Variants in ATP1B3 observed in about 807,000 individuals in gnomAD.
ATP1B3 encodes ATPase Na+/K+ transporting subunit beta 3, also known as sodium/potassium-transporting ATPase subunit beta-3.
In ATP1B3, 10 loss-of-function variants were observed where a neutral mutation model predicts 30.2. That is an observed-to-expected ratio of 0.33 (90% confidence interval 0.20 to 0.56). ATP1B3 has a LOEUF of 0.56. Ranked by LOEUF, ATP1B3 falls within the 20% of genes least tolerant of loss-of-function variation. The probability of loss-of-function intolerance (pLI) is 0.90; values close to 1 mark genes in which losing one functional copy is unlikely to be tolerated. For synonymous variants in ATP1B3, 113 were observed against 117.0 expected, an observed-to-expected ratio of 0.97 and a Z score of 0.22; for missense variants, 238 against 336.7, an observed-to-expected ratio of 0.71 and a Z score of 2.29.
chr3:141,914,440 A>C (rs142739580), intron 4 of ATP1B3, among the ~76,000 whole-genome samples: 1 of 152,316 alleles, frequency 6.6e-6, no homozygotes, highest in African/African-American at 2.4e-5. Flanking sequence ...CAAAGGAAGA[A>C]GCTAATGTTC....
chr3:141,903,849 T>C, intron 2 of ATP1B3, 101 bp downstream of exon 2: 1 of 1,386,640 alleles, frequency 7.2e-7, no homozygotes, highest in South Asian at 1.3e-5. Flanking sequence ...TGGCATGATC[T>C]TGGGTCACTG....
At position 141,907,204 on chromosome 3, in the gene ATP1B3, A is replaced by G; in HGVS notation, c.276A>G (p.Glu92=). 1.2e-6 allele frequency: 2 copies of G among 1,612,132 alleles called. No homozygotes were observed. The highest frequency in any genetic ancestry group is 1.7e-6 in the Non-Finnish European group (2 of 1,179,216). Residue 92 remains glutamate (E), a synonymous_variant, in exon 3 of 7, where the codon GAA becomes GAG. Transcript: ENST00000286371. ...TTCCAAAACCAGTGACCGCATTGGA[A>G]TATACATTCAGTAGGTCTGATCCAA... ...MVFPKPVTAL[E]YTFSRSDPTS... is the part of the protein sequence containing the mutation.
At chr3:141,920,630 G>A (rs762338943) in intron 5 of ATP1B3, among the ~76,000 whole-genome samples, 1 of 152,030 alleles carries the variant, frequency 6.6e-6, no homozygotes, top group Non-Finnish European at 1.5e-5. Context: ...TTCTGTGAAG[G>A]TCATATATTA....
At chr3:141,918,523 T>C (rs1934508456) in intron 5 of ATP1B3, among the ~76,000 whole-genome samples, 1 of 151,250 alleles carries the variant, frequency 6.6e-6, no homozygotes, top group African/African-American at 2.4e-5. Context: ...CAGCTCACCT[T>C]TGCCTCCCGG....
At chr3:141,925,231 G>T (rs1386664242) in intron 6 of ATP1B3, among the ~76,000 whole-genome samples, 1 of 152,172 alleles carries the variant, frequency 6.6e-6, no homozygotes, top group African/African-American at 2.4e-5. Flanking sequence ...CTTTGGGAGG[G>T]TGAGGTGGAA....
At chr3:141,916,102 T>A in intron 5 of ATP1B3, 82 bp downstream of exon 5, 1 of 1,304,764 alleles carries the variant, frequency 7.7e-7, no homozygotes, top group Non-Finnish European at 1.1e-6. Context: ...AGTCATCTTT[T>A]TTTTCTTCCC....
At chr3:141,883,486 C>T (rs1933771928) in intron 1 of ATP1B3, among the ~76,000 whole-genome samples, 1 of 152,102 alleles carries the variant, frequency 6.6e-6, no homozygotes, top group Admixed American at 6.6e-5. Context: ...CCACTGCATT[C>T]CAGCCTAGGT....
intron 1 of ATP1B3, among the ~76,000 whole-genome samples, chr3:141,894,634 A>G (rs1454494620): frequency 1.3e-5 from 2 of 152,172 alleles, no homozygotes; most frequent in African/African-American, 4.8e-5. Context: ...CTAGACCTAC[A>G]CAGAGTCAGA....
intron 3 of ATP1B3, among the ~76,000 whole-genome samples, chr3:141,912,360 G>A (rs868202089): frequency 2.0e-5 from 3 of 152,060 alleles, no homozygotes; most frequent in South Asian, 4.1e-4. Context: ...GAGTTCAAGC[G>A]ATTCTCCTGC....
chr3:141,925,789 C>A lies in ATP1B3; in HGVS notation c.*88C>A. On this transcript the variant is annotated 3_prime_UTR_variant, in exon 7 of 7. Coordinates refer to ENST00000286371, the MANE Select transcript of ATP1B3 (RefSeq NM_001679.4). ...GACCTTCCATTCTAGAATTATGAGA[C>A]CACCTTGGAGAAAGGTGTGTGGTAC... 1.2e-5 allele frequency: 18 copies of A among 1,474,186 alleles called. No individual in the cohort carries two copies. The highest frequency in any genetic ancestry group is 1.6e-5 in the Non-Finnish European group (17 of 1,084,638). The allele number at this position is 1,474,186 out of a possible 1,614,324, so 91.3% of individuals were successfully genotyped here.
intron 1 of ATP1B3, among the ~76,000 whole-genome samples, chr3:141,891,056 T>C (rs966325154): frequency 2.0e-5 from 3 of 152,242 alleles, no homozygotes; most frequent in Non-Finnish European, 4.4e-5. Flanking sequence ...AACAGTCTTC[T>C]ATGTTCTTTT....
intron 5 of ATP1B3, chr3:141,916,230 A>G: frequency 3.7e-6 from 2 of 536,324 alleles, no homozygotes; most frequent in Non-Finnish European, 3.4e-6. Context: ...TTTTGCACAC[A>G]TTGCCTTTAT....
intron 1 of ATP1B3, among the ~76,000 whole-genome samples, chr3:141,884,381 C>T (rs749316534): frequency 6.6e-6 from 1 of 152,174 alleles, no homozygotes; most frequent in Non-Finnish European, 1.5e-5. Flanking sequence ...CATACTCCTG[C>T]TCCCACTCCC....
chr3:141,916,024 A>G lies in ATP1B3; in HGVS notation c.582+4A>G. On this transcript the variant is annotated splice_donor_region_variant and intron_variant, in intron 5 of 6. Coordinates refer to ENST00000286371, the MANE Select transcript of ATP1B3 (RefSeq NM_001679.4). ...AAGGATAGATTGTGTTTCAAAGGTT[A>G]GTATTCAAAAAGTAACTCCTGTTAA... 6.2e-7 allele frequency: 1 copy of G among 1,601,212 alleles called. No individual in the cohort carries two copies. The highest frequency in any genetic ancestry group is 8.5e-7 in the Non-Finnish European group (1 of 1,172,506).
intron 3 of ATP1B3, among the ~76,000 whole-genome samples, chr3:141,911,608 C>A (rs1476483592): frequency 4.0e-5 from 6 of 151,854 alleles, no homozygotes; most frequent in Admixed American, 3.9e-4. Flanking sequence ...GACCCTCATG[C>A]CTCAGCCTTC....
chr3:141,903,786 T>C lies in ATP1B3; in HGVS notation c.238+38T>C, dbSNP rs774590119. ...CAGTTATGACTTTGTTTTTTGTTTT[T>C]TGTTTTTTTTTTGAGACAGAGTTTC... On this transcript the variant is annotated intron_variant, in intron 2 of 6. Coordinates refer to ENST00000286371, the MANE Select transcript of ATP1B3 (RefSeq NM_001679.4). 2.3e-5 allele frequency: 37 copies of C among 1,599,576 alleles called. No individual in the cohort carries two copies. The Admixed American group carries it at 4.4e-4, about 19-fold the overall frequency.
At position 141,876,734 on chromosome 3, in the gene ATP1B3, G is replaced by A. The variant is rs531261304; in HGVS notation, c.-68G>A. ...CGGGCTGCGCCGCCGGAGCCGGGACGCGCCTCCGCAGCCCTCGCCGCCTCC... is the reference window on the plus strand; with the variant it reads ...CGGGCTGCGCCGCCGGAGCCGGGACACGCCTCCGCAGCCCTCGCCGCCTCC... On this transcript the variant is annotated 5_prime_UTR_variant, in exon 1 of 7. Coordinates refer to ENST00000286371, the MANE Select transcript of ATP1B3 (RefSeq NM_001679.4). The A allele has an allele frequency of 1.9e-5, 24 of 1,265,790 alleles. No individual in the cohort carries two copies. The South Asian group carries it at 3.0e-4, about 16-fold the overall frequency. The allele number at this position is 1,265,790 out of a possible 1,614,324, so 78.4% of individuals were successfully genotyped here.
intron 1 of ATP1B3, among the ~76,000 whole-genome samples, chr3:141,881,552 A>T (rs2107926495): frequency 6.6e-6 from 1 of 152,268 alleles, no homozygotes; most frequent in South Asian, 2.1e-4. Flanking sequence ...GAGAAGGCAG[A>T]TGTGTTTGTT....
At position 141,898,129 on chromosome 3, in the gene ATP1B3, C is replaced by G. The variant is rs547393344; in HGVS notation, c.110-5491C>G. On this transcript the variant is annotated intron_variant, in intron 1 of 6. Coordinates refer to ENST00000286371, the MANE Select transcript of ATP1B3 (RefSeq NM_001679.4). ...ACTCAAAATGGATCAAAGACCCAAA[C>G]TTAAGAGCTAATTTATAAAATTCTT... Among the ~76,000 whole-genome samples, 3 of 152,270 alleles carry G rather than the reference C, an allele frequency of 2.0e-5. No individual in the cohort carries two copies. The South Asian group carries it at 6.2e-4, about 32-fold the overall frequency.
Sources: allele counts gnomAD v4.1 joint callset (sites outside exome capture counted in the v4.1 genomes callset), GRCh38; gene constraint gnomAD v4.1.1; transcripts MANE v1.5; gene names NCBI Gene and HGNC (gene_info 2026-07-23, HGNC 2026-07-21).